Variants in PARD3B observed in about 807,000 individuals in gnomAD.
The protein encoded by PARD3B is par-3 family cell polarity regulator beta.
PARD3B carries 103 observed loss-of-function variants against 130.2 expected under a neutral mutation model. The ratio of observed to expected loss-of-function variants is 0.79; its 90% CI spans 0.67 to 0.93. The LOEUF (loss-of-function observed/expected upper bound fraction) is 0.93, where lower values mean the gene tolerates loss of function less well. Among genes scored for constraint, PARD3B ranks in the 40% least tolerant of loss-of-function variants. PARD3B has a pLI of 0.00. For synonymous variants in PARD3B, 583 were observed against 553.2 expected (o/e 1.05, Z -0.76); for missense variants, 1,609 against 1,499.2 (o/e 1.07, Z -1.21).
chr2:204,733,079 A>G (rs184125209), intron 2 of PARD3B, among the ~76,000 whole-genome samples: 72 of 152,286 alleles, frequency 4.7e-4, no homozygotes, highest in South Asian at 2.7e-3. Flanking sequence ...GAAGATGCTC[A>G]GCCTAATGAA....
At chr2:204,936,383 G>T (rs1688460718) in intron 2 of PARD3B, among the ~76,000 whole-genome samples, 1 of 152,126 alleles carries the variant, frequency 6.6e-6, no homozygotes. Context: ...GTAAAATATT[G>T]TTGATCAATC....
chr2:205,541,381 T>TCTTGTTG (rs1480097788), intron 21 of PARD3B, among the ~76,000 whole-genome samples: 1 of 148,136 alleles, frequency 6.8e-6, no homozygotes, highest in African/African-American at 2.5e-5. Flanking sequence ...AGAGTTTCGC[T>TCTTGTTG]CTTGTTGCCC....
chr2:205,016,482 A>G (rs1011732163), intron 3 of PARD3B, among the ~76,000 whole-genome samples: 3 of 152,132 alleles, frequency 2.0e-5, no homozygotes, highest in Admixed American at 6.6e-5. Context: ...GGACACATTC[A>G]TGGCTTTTTA....
chr2:204,718,504 G>A (rs1321354370), intron 2 of PARD3B, among the ~76,000 whole-genome samples: 1 of 152,062 alleles, frequency 6.6e-6, no homozygotes, highest in Non-Finnish European at 1.5e-5. Context: ...CGTGAGAACA[G>A]CATAGGGGAA....
In PARD3B at chr2:205,550,955, G is replaced by GTGTGTGTGTATA. The variant is rs796567936; in HGVS notation, c.3181-2368_3181-2367insGTGTGTGTATAT. On this transcript the variant is annotated intron_variant, in intron 21 of 22. Coordinates refer to ENST00000406610, the MANE Select transcript of PARD3B (RefSeq NM_001302769.2). The surrounding 1 kb of genome is among the most constrained non-coding windows in gnomAD (Gnocchi z 4.5). ...TGTGTGTGTGTGTATATATATATGTGTATATATATATATATATATATACAC... is the reference window on the plus strand; with the variant it reads ...TGTGTGTGTGTGTATATATATATGTGTGTGTGTGTATATATATATATATATATATATATACAC... 9.5e-5 allele frequency among the ~76,000 whole-genome samples: 9 copies of GTGTGTGTGTATA among 94,452 alleles called. No homozygotes were observed. The highest frequency in any genetic ancestry group is 4.2e-4 in the South Asian group (1 of 2,376). 62.0% of individuals were successfully genotyped at this position (94,452 alleles called of 152,430 possible).
chr2:205,442,433 G>A (rs147084792), intron 20 of PARD3B, among the ~76,000 whole-genome samples: 91 of 151,716 alleles, frequency 6.0e-4, no homozygotes, highest in Admixed American at 1.3e-3. Context: ...CGAGTGAGTA[G>A]CTGGGATTAC....
intron 21 of PARD3B, among the ~76,000 whole-genome samples, chr2:205,512,777 A>G (rs2050635258): frequency 6.6e-6 from 1 of 152,102 alleles, no homozygotes; most frequent in South Asian, 2.1e-4. Flanking sequence ...GAAATGTTGT[A>G]TGAGAAAGAC....
intron 18 of PARD3B, among the ~76,000 whole-genome samples, chr2:205,374,059 T>G (rs2044931377): frequency 1.3e-5 from 2 of 151,710 alleles, no homozygotes; most frequent in African/African-American, 4.8e-5. Context: ...TGGGGAAAAG[T>G]GCAATGAGAA....
chr2:205,438,713 C>T (rs556849870), intron 19 of PARD3B, among the ~76,000 whole-genome samples: 10 of 152,054 alleles, frequency 6.6e-5, no homozygotes, highest in Admixed American at 3.3e-4. Flanking sequence ...AGGCCCTTAA[C>T]GGGTACCCTA....
At chr2:205,055,980 T>A (rs905026264) in intron 4 of PARD3B, among the ~76,000 whole-genome samples, 1 of 152,106 alleles carries the variant, frequency 6.6e-6, no homozygotes, top group Admixed American at 6.6e-5. Context: ...CATATAGTCA[T>A]GTTATCGTAA....
chr2:204,630,284 C>A (rs185374865), intron 1 of PARD3B, among the ~76,000 whole-genome samples: 13 of 152,030 alleles, frequency 8.6e-5, no homozygotes, highest in Admixed American at 8.5e-4. Flanking sequence ...GTAGGGTAAC[C>A]ACGGTATAGG....
chr2:205,528,923 T>C (rs2051458090), intron 21 of PARD3B, among the ~76,000 whole-genome samples: 1 of 152,212 alleles, frequency 6.6e-6, no homozygotes, highest in Non-Finnish European at 1.5e-5. Context: ...ATTATGCCTA[T>C]AGGGTGAGTA....
chr2:204,638,049 G>C (rs1259753416), intron 1 of PARD3B, among the ~76,000 whole-genome samples: 9 of 152,002 alleles, frequency 5.9e-5, no homozygotes, highest in Admixed American at 2.6e-4. Flanking sequence ...CAATGTTAAG[G>C]AATCAACCTG....
At chr2:205,535,893 A>G (rs1196727425) in intron 21 of PARD3B, among the ~76,000 whole-genome samples, 1 of 152,166 alleles carries the variant, frequency 6.6e-6, no homozygotes, top group East Asian at 1.9e-4. Flanking sequence ...AGAGAATTGT[A>G]CCCCAAATTT....
chr2:205,210,986 C>G (rs1346528077), intron 15 of PARD3B, among the ~76,000 whole-genome samples: 2 of 152,086 alleles, frequency 1.3e-5, no homozygotes, highest in Non-Finnish European at 2.9e-5. Flanking sequence ...ATGTTACCCT[C>G]TCTGAAGTAC....
intron 10 of PARD3B, among the ~76,000 whole-genome samples, chr2:205,152,988 G>T (rs2033864833): frequency 6.6e-6 from 1 of 152,174 alleles, no homozygotes; most frequent in Non-Finnish European, 1.5e-5. Context: ...CGTTCTGTTT[G>T]TTGGTTTTCC....
chr2:204,821,492 T>C (rs1426138932), intron 2 of PARD3B, among the ~76,000 whole-genome samples: 1 of 137,102 alleles, frequency 7.3e-6, no homozygotes, highest in Non-Finnish European at 1.5e-5. Context: ...TAGGTGGGAA[T>C]TGAACAATGA....
At chr2:205,370,784 T>C (rs1260152866) in intron 18 of PARD3B, among the ~76,000 whole-genome samples, 1 of 152,250 alleles carries the variant, frequency 6.6e-6, no homozygotes. Context: ...TTTAAGTGCA[T>C]TCTGTCATCT....
intron 19 of PARD3B, among the ~76,000 whole-genome samples, chr2:205,431,411 C>T (rs890391577): frequency 1.3e-5 from 2 of 151,894 alleles, no homozygotes; most frequent in Non-Finnish European, 2.9e-5. Flanking sequence ...AGAAATGAAA[C>T]GTATATGGGA....
Sources: allele counts gnomAD v4.1 joint callset (sites outside exome capture counted in the v4.1 genomes callset), GRCh38; gene constraint gnomAD v4.1.1; non-coding constraint Gnocchi (gnomAD v3.1); transcripts MANE v1.5; gene names NCBI Gene and HGNC (gene_info 2026-07-23, HGNC 2026-07-21).